TMCC3: variants seen among roughly 807,000 people sequenced by gnomAD.
The protein encoded by TMCC3 is transmembrane and coiled-coil domain protein 3.
In TMCC3, 28 loss-of-function variants were observed where a neutral mutation model predicts 40.2. The observed-to-expected ratio is 0.70, with a 90% CI of 0.52 to 0.95. The LOEUF is 0.95. Ranked by LOEUF, TMCC3 falls within the 40% of genes least tolerant of loss-of-function variation. The probability of loss-of-function intolerance (pLI) is 0.00; values close to 1 mark genes in which losing one functional copy is unlikely to be tolerated. For missense variants in TMCC3, 554 were observed against 615.2 expected (o/e 0.90, Z 1.05); for synonymous variants, 255 against 248.5 (o/e 1.03, Z -0.25).
intron 1 of TMCC3, among the ~76,000 whole-genome samples, chr12:94,625,232 G>A (rs2068897548): frequency 6.6e-6 from 1 of 151,760 alleles, no homozygotes; most frequent in Admixed American, 6.6e-5. Context: ...GTGAGGTAGT[G>A]GTGGTTAGGA....
At chr12:94,590,963 A>C (rs559885749) in intron 1 of TMCC3, 30 of 572,628 alleles carry the variant, frequency 5.2e-5, no homozygotes, top group Non-Finnish European at 9.4e-5. Context: ...GCTTATGATC[A>C]ACATTTAAAT....
At chr12:94,600,658 C>T (rs1303145126) in intron 1 of TMCC3, among the ~76,000 whole-genome samples, 2 of 152,178 alleles carry the variant, frequency 1.3e-5, no homozygotes, top group African/African-American at 2.4e-5. Flanking sequence ...CACCTCAACA[C>T]TTACACCATT....
chr12:94,604,455 TATG>T (rs2068770441), intron 1 of TMCC3, among the ~76,000 whole-genome samples: 1 of 151,880 alleles, frequency 6.6e-6, no homozygotes, highest in Admixed American at 6.6e-5. Flanking sequence ...GTCAGAGAAA[TATG>T]ATAAGCTCTG....
intron 1 of TMCC3, among the ~76,000 whole-genome samples, chr12:94,620,714 G>C (rs944698876): frequency 3.3e-5 from 5 of 151,820 alleles, no homozygotes; most frequent in Admixed American, 3.3e-4. Flanking sequence ...TGCTAAACAC[G>C]AACTAGAAAA....
intron 3 of TMCC3, among the ~76,000 whole-genome samples, chr12:94,572,296 C>A (rs2068535718): frequency 6.9e-6 from 1 of 144,830 alleles, no homozygotes; most frequent in African/African-American, 2.6e-5. Context: ...CCATGCCCAG[C>A]CGACTTCATC....
intron 1 of TMCC3, among the ~76,000 whole-genome samples, chr12:94,598,149 T>C (rs1302012530): frequency 1.3e-5 from 2 of 152,208 alleles, no homozygotes; most frequent in Non-Finnish European, 2.9e-5. Context: ...GAATCTGATA[T>C]TAGAATTAAA....
At chr12:94,647,706 G>C (rs2069027646) in intron 1 of TMCC3, among the ~76,000 whole-genome samples, 1 of 152,066 alleles carries the variant, frequency 6.6e-6, no homozygotes. Context: ...ATACGTTCTG[G>C]GTGTCAGGAA....
At chr12:94,621,054 T>C (rs1350006637) in intron 1 of TMCC3, among the ~76,000 whole-genome samples, 1 of 152,228 alleles carries the variant, frequency 6.6e-6, no homozygotes, top group African/African-American at 2.4e-5. Context: ...GAATCTTCTG[T>C]ATATTTTTTA....
At chr12:94,574,919 AT>A (rs1318601494) in intron 3 of TMCC3, among the ~76,000 whole-genome samples, 1 of 152,060 alleles carries the variant, frequency 6.6e-6, no homozygotes, top group Non-Finnish European at 1.5e-5. Flanking sequence ...ACTGCTGTCA[AT>A]TTTTTTTAAC....
chr12:94,611,022 T>C (rs543614413), intron 1 of TMCC3, among the ~76,000 whole-genome samples: 2 of 152,320 alleles, frequency 1.3e-5, no homozygotes, highest in South Asian at 2.1e-4. Flanking sequence ...GTGAGACTAA[T>C]ATGCAAATAC....
chr12:94,624,308 A>AC (rs1407638774), intron 1 of TMCC3, among the ~76,000 whole-genome samples: 1 of 152,106 alleles, frequency 6.6e-6, no homozygotes, highest in Admixed American at 6.6e-5. Flanking sequence ...AAAAACATAT[A>AC]CCCCCACAAA....
chr12:94,578,611 G>GTACCTTTT (rs1236424920), intron 2 of TMCC3, 82 bp from the exon 3 acceptor site: 1 of 1,469,624 alleles, frequency 6.8e-7, no homozygotes, highest in African/African-American at 1.4e-5. Flanking sequence ...TCCTGCGCCA[G>GTACCTTTT]TACCTTTTGG....
At chr12:94,631,835 A>G (rs553397728) in intron 1 of TMCC3, among the ~76,000 whole-genome samples, 1 of 152,344 alleles carries the variant, frequency 6.6e-6, no homozygotes, top group South Asian at 2.1e-4. Flanking sequence ...TGACGCTCCA[A>G]ACTTTTCATA....
intron 3 of TMCC3, among the ~76,000 whole-genome samples, chr12:94,572,058 G>A (rs2068533184): frequency 6.6e-6 from 1 of 152,130 alleles, no homozygotes; most frequent in Non-Finnish European, 1.5e-5. Context: ...GGAGTGCAGT[G>A]GTGCGATCTC....
chr12:94,571,905 A>T (rs1473484480), intron 3 of TMCC3, among the ~76,000 whole-genome samples, 168 bp from the exon 4 acceptor site: 1 of 152,252 alleles, frequency 6.6e-6, no homozygotes, highest in African/African-American at 2.4e-5. Flanking sequence ...TGGAACAAGA[A>T]TCCCAGGCTC....
chr12:94,583,202 C>T (rs1172602880), intron 1 of TMCC3, among the ~76,000 whole-genome samples: 1 of 149,124 alleles, frequency 6.7e-6, no homozygotes, highest in African/African-American at 2.5e-5. Flanking sequence ...AAAAAAAGGC[C>T]GGGGGGTGGG....
At chr12:94,634,355 GA>G (rs939620019) in intron 1 of TMCC3, among the ~76,000 whole-genome samples, 5 of 151,656 alleles carry the variant, frequency 3.3e-5, no homozygotes, top group African/African-American at 9.7e-5. Context: ...TTAATTTAAA[GA>G]AAGCCACAAG....
rs113791789 is a variant in TMCC3 at position 94,584,012 on chromosome 12, C to CT, written c.79-1475dup. Among the ~76,000 whole-genome samples the CT allele has an allele frequency of 2.4e-4, 37 of 151,106 alleles. 2 individuals carry two copies. The highest frequency in any genetic ancestry group is 1.9e-3 in the East Asian group (10 of 5,156). ...AGCAAGACAATATTCAGCATGTTAC[C>CT]TTTTTTTTTAAGGAATTAGTGGGCT... On this transcript the variant is annotated intron_variant, in intron 1 of 3. Coordinates refer to ENST00000261226, the MANE Select transcript of TMCC3 (RefSeq NM_020698.4).
chr12:94,596,570 T>C (rs1244376721), intron 1 of TMCC3, among the ~76,000 whole-genome samples: 1 of 152,178 alleles, frequency 6.6e-6, no homozygotes, highest in Non-Finnish European at 1.5e-5. Flanking sequence ...TGACTCCTCA[T>C]ACAGTGCTTA....
Sources: gnomAD v4.1 joint callset for allele counts (sites outside exome capture counted in the v4.1 genomes callset) on GRCh38, gnomAD v4.1.1 for gene constraint, MANE v1.5 for transcripts, NCBI Gene and HGNC (gene_info 2026-07-23, HGNC 2026-07-21) for gene names.